Variants in CHD9 observed in about 807,000 individuals in gnomAD.
CHD9 encodes ATP-dependent chromatin remodeler CHD9.
CHD9 carries 77 observed loss-of-function variants against 316.1 expected under a neutral mutation model. The observed-to-expected ratio is 0.24, with a 90% CI of 0.20 to 0.29. The LOEUF (loss-of-function observed/expected upper bound fraction) is 0.29, where lower values mean the gene tolerates loss of function less well. CHD9 is among the 10% of genes least tolerant of loss of function. The pLI, the probability that CHD9 is intolerant of heterozygous loss-of-function variation, is 1.00. For synonymous variants in CHD9, 1,129 were observed against 1,158.3 expected, an observed-to-expected ratio of 0.97 and a Z score of 0.51; for missense variants, 2,763 against 3,438.1, an observed-to-expected ratio of 0.80 and a Z score of 4.91.
intron 2 of CHD9, among the ~76,000 whole-genome samples, chr16:53,172,075 T>C (rs1170150636): frequency 1.3e-5 from 2 of 152,186 alleles, no homozygotes; most frequent in Non-Finnish European, 2.9e-5. Flanking sequence ...ATTTAAAGTA[T>C]AGAATTGGGT....
At chr16:53,313,585 C>T (rs1207227747) in intron 34 of CHD9, among the ~76,000 whole-genome samples, 2 of 151,924 alleles carry the variant, frequency 1.3e-5, no homozygotes. Flanking sequence ...GGATTACAGG[C>T]GTGAGCCACT....
intron 1 of CHD9, among the ~76,000 whole-genome samples, chr16:53,145,259 C>A (rs1425399948): frequency 6.6e-6 from 1 of 151,638 alleles, no homozygotes; most frequent in Non-Finnish European, 1.5e-5. Context: ...TCAAATGATT[C>A]TCCTGACTCA....
chr16:53,215,742 C>A (rs1300323874), intron 3 of CHD9, among the ~76,000 whole-genome samples: 2 of 152,050 alleles, frequency 1.3e-5, no homozygotes, highest in Non-Finnish European at 1.5e-5. Flanking sequence ...CAACAGGGGG[C>A]AATTACAGAT....
chr16:53,085,606 G>C (rs1187439305), intron 1 of CHD9, among the ~76,000 whole-genome samples: 1 of 152,206 alleles, frequency 6.6e-6, no homozygotes, highest in African/African-American at 2.4e-5. Context: ...CTAAGGAACA[G>C]GCAGGGACCT....
chr16:53,228,125 G>A (rs959153527), intron 7 of CHD9, among the ~76,000 whole-genome samples: 1 of 151,672 alleles, frequency 6.6e-6, no homozygotes, highest in Non-Finnish European at 1.5e-5. Flanking sequence ...TCCAGAAAAT[G>A]TTCATTATTA....
chr16:53,059,968 T>C (rs532786476), intron 1 of CHD9, among the ~76,000 whole-genome samples: 16 of 152,346 alleles, frequency 1.1e-4, no homozygotes, highest in African/African-American at 3.8e-4. Flanking sequence ...TAAAGCTTTA[T>C]GGACACTGAA....
chr16:53,104,724 A>T (rs2152573731), intron 1 of CHD9, among the ~76,000 whole-genome samples: 1 of 151,414 alleles, frequency 6.6e-6, no homozygotes. Context: ...AGGCAGGAGA[A>T]TTGCTTGAAC....
chr16:53,143,523 A>T (rs948080248), intron 1 of CHD9, among the ~76,000 whole-genome samples: 1 of 151,542 alleles, frequency 6.6e-6, no homozygotes, highest in Non-Finnish European at 1.5e-5. Context: ...CAGTAGCTGG[A>T]ACTACAGGCA....
At chr16:53,139,825 C>T (rs2039971037) in intron 1 of CHD9, among the ~76,000 whole-genome samples, 1 of 152,110 alleles carries the variant, frequency 6.6e-6, no homozygotes, top group Admixed American at 6.6e-5. Flanking sequence ...TTAGCTGATA[C>T]AGTGGCTCAC....
intron 1 of CHD9, among the ~76,000 whole-genome samples, chr16:53,062,598 C>T (rs2033034619): frequency 1.3e-5 from 2 of 151,764 alleles, no homozygotes; most frequent in South Asian, 4.2e-4. Context: ...TAAAAATTAC[C>T]TGGGTGTAGT....
At chr16:53,126,637 C>T (rs913581937) in intron 1 of CHD9, among the ~76,000 whole-genome samples, 1 of 139,538 alleles carries the variant, frequency 7.2e-6, no homozygotes, top group African/African-American at 2.7e-5. Flanking sequence ...TTCTCCCTTC[C>T]TTCCTTCCTT....
chr16:53,220,019 T>G (rs1239932145), intron 3 of CHD9, among the ~76,000 whole-genome samples: 1 of 152,178 alleles, frequency 6.6e-6, no homozygotes, highest in Non-Finnish European at 1.5e-5. Context: ...CAAGGTCATA[T>G]GGGGTCTAAC....
chr16:53,121,636 A>G (rs990378047), intron 1 of CHD9: 95 of 323,870 alleles, frequency 2.9e-4, no homozygotes, highest in Admixed American at 1.6e-4. Context: ...GGATGTTGTT[A>G]TTACCAGCTG....
At chr16:53,185,161 T>C (rs1185564730) in intron 2 of CHD9, among the ~76,000 whole-genome samples, 1 of 151,912 alleles carries the variant, frequency 6.6e-6, no homozygotes, top group African/African-American at 2.4e-5. Context: ...CAGGCAGAGG[T>C]TGGAACAGTT....
At chr16:53,274,072 T>C in intron 23 of CHD9, 141 bp from the exon 24 acceptor site, 1 of 662,644 alleles carries the variant, frequency 1.5e-6, no homozygotes, top group Admixed American at 2.6e-5. Flanking sequence ...TATATGGTAG[T>C]AATAAGATTC....
chr16:53,122,769 C>T (rs142929642), intron 1 of CHD9, among the ~76,000 whole-genome samples: 1,996 of 152,012 alleles, frequency 0.013, 27 homozygotes, highest in Non-Finnish European at 0.02. Context: ...TGCAGTGGAG[C>T]GATCTCCTCT....
At chr16:53,150,738 C>CT (rs993478459) in intron 1 of CHD9, among the ~76,000 whole-genome samples, 1 of 152,140 alleles carries the variant, frequency 6.6e-6, no homozygotes, top group Non-Finnish European at 1.5e-5. Flanking sequence ...TAAAAAATAG[C>CT]TTTTTGCATA....
At chr16:53,237,434 T>C (rs1434552940) in intron 11 of CHD9, among the ~76,000 whole-genome samples, 1 of 152,142 alleles carries the variant, frequency 6.6e-6, no homozygotes, top group Non-Finnish European at 1.5e-5. Flanking sequence ...TTGGATTTGT[T>C]TGAAGAGTTC....
At chr16:53,142,724 A>G (rs1328647413) in intron 1 of CHD9, among the ~76,000 whole-genome samples, 1 of 152,256 alleles carries the variant, frequency 6.6e-6, no homozygotes, top group African/African-American at 2.4e-5. Flanking sequence ...TTTGCCAGAT[A>G]TTTGTCTAAT....
Sources: allele counts gnomAD v4.1 joint callset (sites outside exome capture counted in the v4.1 genomes callset), GRCh38; gene constraint gnomAD v4.1.1; transcripts MANE v1.5; gene names NCBI Gene and HGNC (gene_info 2026-07-23, HGNC 2026-07-21).